Variants in SLC35F3 observed in about 807,000 individuals in gnomAD.
The protein encoded by SLC35F3 is putative thiamine transporter SLC35F3.
In SLC35F3, 25 loss-of-function variants were observed where a neutral mutation model predicts 49.9. The ratio of observed to expected loss-of-function variants is 0.50; its 90% CI spans 0.37 to 0.70. The LOEUF (loss-of-function observed/expected upper bound fraction) is 0.70. Ranked by LOEUF, SLC35F3 falls within the 30% of genes least tolerant of loss-of-function variation. The pLI is 0.00. For synonymous variants in SLC35F3, 275 were observed against 265.4 expected (o/e 1.04, Z -0.35); for missense variants, 525 against 639.8 (o/e 0.82, Z 1.94).
intron 2 of SLC35F3, among the ~76,000 whole-genome samples, chr1:234,098,858 T>C (rs533760390): frequency 2.9e-4 from 43 of 146,048 alleles, no homozygotes; most frequent in Non-Finnish European, 3.6e-4. Context: ...TGGTGGCAGT[T>C]CAGATGGCGG....
At chr1:234,018,251 A>G (rs961114548) in intron 2 of SLC35F3, among the ~76,000 whole-genome samples, 13 of 152,212 alleles carry the variant, frequency 8.5e-5, no homozygotes, top group Non-Finnish European at 1.5e-5. Flanking sequence ...CACTGTATCT[A>G]ACATAATAAT....
intron 2 of SLC35F3, among the ~76,000 whole-genome samples, chr1:233,909,568 C>T (rs1661835686): frequency 6.6e-6 from 1 of 152,226 alleles, no homozygotes; most frequent in African/African-American, 2.4e-5. Flanking sequence ...CCTAGTTCTT[C>T]CATCACAAGT....
chr1:234,088,423 G>A (rs1372629300), intron 2 of SLC35F3, among the ~76,000 whole-genome samples: 1 of 152,184 alleles, frequency 6.6e-6, no homozygotes, highest in African/African-American at 2.4e-5. Flanking sequence ...GGCCAGGCTG[G>A]TCTCGAACTC....
chr1:234,042,430 A>T (rs1358523414), intron 2 of SLC35F3, among the ~76,000 whole-genome samples: 1 of 152,206 alleles, frequency 6.6e-6, no homozygotes, highest in Non-Finnish European at 1.5e-5. Flanking sequence ...TTTAGGATAT[A>T]AAAGGTTGGC....
chr1:234,194,588 C>G (rs896446646), intron 2 of SLC35F3, among the ~76,000 whole-genome samples: 1 of 151,192 alleles, frequency 6.6e-6, no homozygotes, highest in Admixed American at 6.6e-5. Flanking sequence ...CCCCCTCAAA[C>G]CTATGGAAAT....
At chr1:233,977,858 G>A (rs1663115974) in intron 2 of SLC35F3, among the ~76,000 whole-genome samples, 1 of 152,150 alleles carries the variant, frequency 6.6e-6, no homozygotes, top group South Asian at 2.1e-4. Flanking sequence ...GTCAGGCCAG[G>A]GCGTTTGGAC....
intron 3 of SLC35F3, among the ~76,000 whole-genome samples, chr1:234,301,604 G>T (rs1017050255): frequency 2.0e-5 from 3 of 152,210 alleles, no homozygotes; most frequent in African/African-American, 7.2e-5. Context: ...ATGTAAATTA[G>T]TTCAACTATT....
intron 2 of SLC35F3, among the ~76,000 whole-genome samples, chr1:234,056,211 A>T (rs951143064): frequency 6.6e-6 from 1 of 151,748 alleles, no homozygotes; most frequent in Non-Finnish European, 1.5e-5. Context: ...ATTTTCTAAG[A>T]TGTCCTTTTT....
intron 2 of SLC35F3, among the ~76,000 whole-genome samples, chr1:233,930,838 A>G (rs1165200955): frequency 6.6e-6 from 1 of 152,234 alleles, no homozygotes; most frequent in African/African-American, 2.4e-5. Flanking sequence ...GTGGATCATC[A>G]TAAAATTCTT....
chr1:234,072,940 G>A (rs564591711), intron 2 of SLC35F3, among the ~76,000 whole-genome samples: 1 of 152,296 alleles, frequency 6.6e-6, no homozygotes, highest in South Asian at 2.1e-4. Context: ...GTTGTTATAT[G>A]GCAAAGCAGA....
chr1:234,047,658 T>G (rs1664310571), intron 2 of SLC35F3, among the ~76,000 whole-genome samples: 1 of 151,712 alleles, frequency 6.6e-6, no homozygotes, highest in Admixed American at 6.6e-5. Flanking sequence ...GTGAGTCAAT[T>G]TCTTATAAGA....
chr1:234,254,860 A>G (rs962009407), intron 3 of SLC35F3, among the ~76,000 whole-genome samples: 1 of 152,222 alleles, frequency 6.6e-6, no homozygotes, highest in African/African-American at 2.4e-5. Context: ...ATCTTTGTCA[A>G]CATGTTTTAG....
chr1:234,087,799 C>T (rs1664982537), intron 2 of SLC35F3, among the ~76,000 whole-genome samples: 1 of 152,188 alleles, frequency 6.6e-6, no homozygotes, highest in Admixed American at 6.5e-5. Flanking sequence ...CTCTCTGTTA[C>T]AGCCATGGGG....
At chr1:234,156,599 C>G (rs1170313586) in intron 2 of SLC35F3, among the ~76,000 whole-genome samples, 1 of 152,140 alleles carries the variant, frequency 6.6e-6, no homozygotes, top group African/African-American at 2.4e-5. Flanking sequence ...ACTTAGAGAA[C>G]TCTAAGGGCC....
intron 2 of SLC35F3, among the ~76,000 whole-genome samples, chr1:233,976,656 A>G (rs34740860): frequency 0.27 from 40,638 of 151,874 alleles, 5,747 homozygotes; most frequent in East Asian, 0.54. Context: ...TGTCACCCAG[A>G]CTGGAGTGCA....
At chr1:234,063,889 C>T (rs987884127) in intron 2 of SLC35F3, among the ~76,000 whole-genome samples, 3 of 152,164 alleles carry the variant, frequency 2.0e-5, no homozygotes, top group Non-Finnish European at 2.9e-5. Context: ...TAGCTAGGAA[C>T]GATCTGAGAC....
At chr1:234,224,907 C>T (rs1572102707) in intron 2 of SLC35F3, among the ~76,000 whole-genome samples, 1 of 152,208 alleles carries the variant, frequency 6.6e-6, no homozygotes, top group East Asian at 1.9e-4. Context: ...CTTTAATTCT[C>T]CATACTATCT....
At chr1:234,244,911 C>G (rs928196899) in intron 3 of SLC35F3, among the ~76,000 whole-genome samples, 2 of 152,118 alleles carry the variant, frequency 1.3e-5, no homozygotes, top group African/African-American at 4.8e-5. Context: ...ATGTAATGAT[C>G]AAGTCACTAT....
chr1:234,084,315 G>A (rs1349646937), intron 2 of SLC35F3, among the ~76,000 whole-genome samples: 1 of 152,034 alleles, frequency 6.6e-6, no homozygotes, highest in Non-Finnish European at 1.5e-5. Context: ...GATATTATAT[G>A]TGCCTGTGTG....
Sources: allele counts gnomAD v4.1 joint callset (sites outside exome capture counted in the v4.1 genomes callset), GRCh38; gene constraint gnomAD v4.1.1; transcripts MANE v1.5; gene names NCBI Gene and HGNC (gene_info 2026-07-23, HGNC 2026-07-21).